Variants in RBFOX1 observed in about 807,000 individuals in gnomAD.
The protein encoded by RBFOX1 is RNA binding fox-1 homolog 1.
Under a neutral mutation model 57.7 loss-of-function variants are expected in RBFOX1, and 8 were observed. That is an observed-to-expected ratio of 0.14 (90% CI 0.08 to 0.25). The LOEUF (loss-of-function observed/expected upper bound fraction) is 0.25, where lower values mean the gene tolerates loss of function less well. Ranked by LOEUF, RBFOX1 falls within the 10% of genes least tolerant of loss-of-function variation. The pLI is 1.00. For missense variants in RBFOX1, 611 were observed against 548.5 expected (o/e 1.11, Z -1.14); for synonymous variants, 326 against 222.4 (o/e 1.47, Z -4.15).
chr16:5,987,800 T>C (rs1457746700), intron 4 of RBFOX1, among the ~76,000 whole-genome samples: 1 of 152,182 alleles, frequency 6.6e-6, no homozygotes, highest in Non-Finnish European at 1.5e-5. Context: ...ACAGCACCAT[T>C]TACTGAAAAC....
chr16:6,607,585 C>T (rs187728536), intron 2 of RBFOX1, among the ~76,000 whole-genome samples: 15 of 150,802 alleles, frequency 9.9e-5, no homozygotes, highest in African/African-American at 3.7e-4. Flanking sequence ...CGTCCTGTCT[C>T]CCTCCTCTCT....
chr16:5,246,844 T>C lies in RBFOX1; in HGVS notation c.219+6739T>C, dbSNP rs553240843. Among the ~76,000 whole-genome samples, 13 of 152,226 alleles carry C rather than the reference T, an allele frequency of 8.5e-5. No homozygotes were observed. The East Asian group carries it at 2.5e-3, about 29-fold the overall frequency. On this transcript the variant is annotated intron_variant, in intron 1 of 2. Coordinates refer to the RBFOX1 transcript ENST00000585867. ...CACCACCACGCTCCACTAAGTTTTG[T>C]ATTTTTTGTAGAGATGGGGTCTTGC...
chr16:5,910,062 A>G (rs973019435), intron 4 of RBFOX1, among the ~76,000 whole-genome samples: 18 of 151,684 alleles, frequency 1.2e-4, no homozygotes, highest in African/African-American at 4.4e-4. Context: ...ACAAACAAAA[A>G]CAAAAAACAA....
intron 2 of RBFOX1, among the ~76,000 whole-genome samples, chr16:5,490,181 G>C (rs1485462092): frequency 6.6e-6 from 1 of 152,222 alleles, no homozygotes; most frequent in East Asian, 1.9e-4. Flanking sequence ...TGGTGGAAGA[G>C]GTTAGGGACC....
At chr16:7,215,318 G>A (rs756942675) in intron 4 of RBFOX1, among the ~76,000 whole-genome samples, 2 of 152,134 alleles carry the variant, frequency 1.3e-5, no homozygotes, top group Non-Finnish European at 2.9e-5. Flanking sequence ...CCATTACTGG[G>A]TATATACTCA....
intron 4 of RBFOX1, among the ~76,000 whole-genome samples, chr16:7,306,386 G>A (rs2096186448): frequency 6.6e-6 from 1 of 152,198 alleles, no homozygotes; most frequent in African/African-American, 2.4e-5. Context: ...GGGGAGGCTT[G>A]AAGAAAACAT....
chr16:5,924,173 T>G (rs2058894353), intron 4 of RBFOX1, among the ~76,000 whole-genome samples: 1 of 152,158 alleles, frequency 6.6e-6, no homozygotes, highest in African/African-American at 2.4e-5. Flanking sequence ...CTGCCATTAT[T>G]GTAAGTTTCC....
At chr16:7,155,240 G>A (rs964801894) in intron 4 of RBFOX1, among the ~76,000 whole-genome samples, 2 of 152,042 alleles carry the variant, frequency 1.3e-5, no homozygotes, top group Admixed American at 1.3e-4. Flanking sequence ...TTGAGAGAGT[G>A]AACTTCATAT....
chr16:6,344,388 C>CTTTTTTCTTTTTT (rs1567979240), intron 2 of RBFOX1, among the ~76,000 whole-genome samples: 4 of 111,048 alleles, frequency 3.6e-5, no homozygotes, highest in African/African-American at 1.9e-4. Context: ...CTTCTCTCTT[C>CTTTTTTCTTTTTT]TTCTTTTTTC....
At chr16:7,032,106 C>T (rs545701217) in intron 3 of RBFOX1, among the ~76,000 whole-genome samples, 8 of 152,178 alleles carry the variant, frequency 5.3e-5, no homozygotes, top group Admixed American at 3.3e-4. Context: ...TCTTGAGAAT[C>T]AGAGAATTTC....
chr16:6,966,753 GTCTGTCTGTCTATCTA>G lies in RBFOX1; in HGVS notation c.-15-85300_-15-85285del, dbSNP rs1231927645. Among the ~76,000 whole-genome samples, 3 of 103,920 alleles carry G rather than the reference GTCTGTCTGTCTATCTA, an allele frequency of 2.9e-5. No homozygotes were observed. In the East Asian group the frequency reaches 8.6e-4, roughly 30 times the overall value. 68.2% of individuals were successfully genotyped at this position (103,920 alleles called of 152,430 possible). ...ACTGTAACTCTGCCTGCCTCTATCT[GTCTGTCTGTCTATCTA>G]TCTATCTATCTATCTATCTATCTGT... On this transcript the variant is annotated intron_variant, in intron 3 of 15. Coordinates refer to ENST00000550418, the MANE Select transcript of RBFOX1 (RefSeq NM_018723.4).
At chr16:6,453,234 G>A (rs190106294) in intron 2 of RBFOX1, among the ~76,000 whole-genome samples, 26 of 152,150 alleles carry the variant, frequency 1.7e-4, no homozygotes, top group African/African-American at 4.8e-4. Flanking sequence ...TCTACATTAG[G>A]TATTTGTCCT....
intron 4 of RBFOX1, among the ~76,000 whole-genome samples, chr16:7,171,572 G>T (rs998377845): frequency 6.6e-6 from 1 of 152,186 alleles, no homozygotes; most frequent in African/African-American, 2.4e-5. Flanking sequence ...TCAGTGTTTA[G>T]AATGTAATTT....
At chr16:7,078,940 C>A (rs550212252) in intron 4 of RBFOX1, among the ~76,000 whole-genome samples, 22 of 133,580 alleles carry the variant, frequency 1.6e-4, no homozygotes, top group African/African-American at 5.8e-4. Context: ...GAGCTCCTGA[C>A]CTCGTGATCC....
At chr16:7,019,793 C>A (rs545525912) in intron 3 of RBFOX1, among the ~76,000 whole-genome samples, 3 of 152,160 alleles carry the variant, frequency 2.0e-5, no homozygotes, top group African/African-American at 7.2e-5. Context: ...GAAATACCCA[C>A]GCCCCAATTC....
chr16:7,019,239 T>C (rs2094082176), intron 3 of RBFOX1, among the ~76,000 whole-genome samples: 1 of 152,114 alleles, frequency 6.6e-6, no homozygotes, highest in Non-Finnish European at 1.5e-5. Flanking sequence ...GTTTGCCTTG[T>C]TTAGGTTTTG....
At chr16:5,595,421 G>A (rs13338958) in intron 2 of RBFOX1, among the ~76,000 whole-genome samples, 17,666 of 152,178 alleles carry the variant, frequency 0.12, 1,285 homozygotes, top group East Asian at 0.32. Flanking sequence ...ATTTCCAGGG[G>A]AGACTACTAG....
intron 2 of RBFOX1, among the ~76,000 whole-genome samples, chr16:5,498,643 G>C (rs2151690590): frequency 6.6e-6 from 1 of 152,342 alleles, no homozygotes; most frequent in African/African-American, 2.4e-5. Flanking sequence ...GCTCAGGCTA[G>C]GCTGTTGGGA....
At chr16:6,346,440 C>A (rs553382905) in intron 2 of RBFOX1, among the ~76,000 whole-genome samples, 18 of 152,160 alleles carry the variant, frequency 1.2e-4, no homozygotes, top group Non-Finnish European at 1.9e-4. Context: ...CAGCCAATCA[C>A]GGCAGCTCAG....
Sources: allele counts gnomAD v4.1 joint callset (sites outside exome capture counted in the v4.1 genomes callset), GRCh38; gene constraint gnomAD v4.1.1; transcripts MANE v1.5; gene names NCBI Gene and HGNC (gene_info 2026-07-23, HGNC 2026-07-21).